The following CMIP variants were observed in gnomAD, a reference collection of about 807,000 sequenced individuals.
The protein encoded by CMIP is C-Maf-inducing protein.
CMIP carries 13 observed loss-of-function variants against 97.3 expected under a neutral mutation model. That is an observed-to-expected ratio of 0.13 (90% confidence interval 0.09 to 0.21). CMIP has a LOEUF of 0.21. Among genes scored for constraint, CMIP ranks in the 10% least tolerant of loss-of-function variants. The pLI is 1.00. For missense variants in CMIP, 847 were observed against 1,024.9 expected, an observed-to-expected ratio of 0.83 and a Z score of 2.37; for synonymous variants, 538 against 436.3, an observed-to-expected ratio of 1.23 and a Z score of -2.91.
At chr16:81,686,083 GC>G (rs1300130981) in intron 10 of CMIP, among the ~76,000 whole-genome samples, 1 of 152,210 alleles carries the variant, frequency 6.6e-6, no homozygotes, top group African/African-American at 2.4e-5. Context: ...AAGAGCACCC[GC>G]CCAGCCAAGT....
intron 9 of CMIP, among the ~76,000 whole-genome samples, chr16:81,676,241 T>C (rs996890223): frequency 1.3e-5 from 2 of 152,176 alleles, no homozygotes; most frequent in African/African-American, 4.8e-5. Context: ...GCTGATGCCA[T>C]ACATTTCCTG....
intron 1 of CMIP, among the ~76,000 whole-genome samples, chr16:81,580,589 C>T (rs1023552486): frequency 6.6e-6 from 1 of 151,904 alleles, no homozygotes; most frequent in Non-Finnish European, 1.5e-5. Flanking sequence ...ATGCCTGCCA[C>T]CACACCCAGC....
At chr16:81,461,928 G>A (rs746747341) in intron 1 of CMIP, among the ~76,000 whole-genome samples, 9 of 152,224 alleles carry the variant, frequency 5.9e-5, no homozygotes, top group East Asian at 1.9e-4. Flanking sequence ...TAGGCATTGC[G>A]TGTTGCGGTG....
At chr16:81,485,691 A>G (rs2089303267) in intron 1 of CMIP, among the ~76,000 whole-genome samples, 1 of 152,260 alleles carries the variant, frequency 6.6e-6, no homozygotes, top group Admixed American at 6.5e-5. Context: ...AATATGCCAG[A>G]TCCTTTTTTG....
intron 1 of CMIP, among the ~76,000 whole-genome samples, chr16:81,582,802 A>T (rs1199333228): frequency 6.6e-6 from 1 of 152,184 alleles, no homozygotes; most frequent in African/African-American, 2.4e-5. Flanking sequence ...GCTTTCATGA[A>T]CGGCGAGCGG....
intron 18 of CMIP, 75 bp from the exon 19 acceptor site, chr16:81,705,424 C>A: frequency 9.2e-7 from 1 of 1,087,184 alleles, no homozygotes; most frequent in Non-Finnish European, 1.4e-6. Flanking sequence ...TCCCTTTCCT[C>A]CACCTCTGCC....
At chr16:81,482,900 G>A (rs952473612) in intron 1 of CMIP, among the ~76,000 whole-genome samples, 3 of 152,234 alleles carry the variant, frequency 2.0e-5, no homozygotes, top group Non-Finnish European at 4.4e-5. Flanking sequence ...TGGTGCACAG[G>A]CATGCCTGCT....
chr16:81,454,172 T>C (rs1482556922), intron 1 of CMIP, among the ~76,000 whole-genome samples: 1 of 152,228 alleles, frequency 6.6e-6, no homozygotes, highest in East Asian at 1.9e-4. Flanking sequence ...TTGTAAGAGA[T>C]GGACCTATAT....
intron 1 of CMIP, among the ~76,000 whole-genome samples, chr16:81,598,523 G>C (rs1049932427): frequency 5.3e-5 from 8 of 152,166 alleles, no homozygotes; most frequent in African/African-American, 1.9e-4. Context: ...AAGAACTTTA[G>C]AGCTATCACC....
chr16:81,505,601 C>G (rs1239959990), intron 1 of CMIP, among the ~76,000 whole-genome samples: 1 of 152,194 alleles, frequency 6.6e-6, no homozygotes, highest in Non-Finnish European at 1.5e-5. Context: ...TGAGTAGTGT[C>G]AGGGAGCTCT....
At chr16:81,592,896 G>A (rs572657343) in intron 1 of CMIP, among the ~76,000 whole-genome samples, 1 of 152,350 alleles carries the variant, frequency 6.6e-6, no homozygotes, top group African/African-American at 2.4e-5. Context: ...TGACTTGGCA[G>A]TTGGAAATGA....
At chr16:81,457,560 G>A (rs1444441116) in intron 1 of CMIP, among the ~76,000 whole-genome samples, 4 of 152,194 alleles carry the variant, frequency 2.6e-5, no homozygotes, top group Non-Finnish European at 5.9e-5. Context: ...CCCCACAGTT[G>A]TAACAACCCG....
intron 1 of CMIP, among the ~76,000 whole-genome samples, chr16:81,524,096 G>A (rs148546547): frequency 1.0e-3 from 156 of 152,290 alleles, no homozygotes; most frequent in Non-Finnish European, 1.8e-3. Context: ...GGTTCCATGC[G>A]GAACCCTCTG....
intron 3 of CMIP, among the ~76,000 whole-genome samples, chr16:81,623,202 G>A (rs1465307988): frequency 6.6e-6 from 1 of 152,140 alleles, no homozygotes. Flanking sequence ...AGACCCCCAT[G>A]CCCCACCCCA....
chr16:81,646,118 G>T (rs1172828341), intron 3 of CMIP, among the ~76,000 whole-genome samples: 1 of 151,874 alleles, frequency 6.6e-6, no homozygotes, highest in African/African-American at 2.4e-5. Flanking sequence ...GGTGGGTGAA[G>T]GATGGATGGG....
intron 17 of CMIP, among the ~76,000 whole-genome samples, chr16:81,703,008 G>A (rs1907593716): frequency 6.6e-6 from 1 of 152,076 alleles, no homozygotes; most frequent in South Asian, 2.1e-4. Context: ...AGCAACCCTT[G>A]GAAGCTTGTG....
chr16:81,569,593 A>G (rs1263571354), intron 1 of CMIP, among the ~76,000 whole-genome samples: 1 of 152,250 alleles, frequency 6.6e-6, no homozygotes, highest in Non-Finnish European at 1.5e-5. Flanking sequence ...GGCGGCAGCA[A>G]CTTTCTGACA....
intron 1 of CMIP, among the ~76,000 whole-genome samples, chr16:81,507,606 T>C (rs1437958971): frequency 1.3e-5 from 2 of 152,224 alleles, no homozygotes; most frequent in Non-Finnish European, 2.9e-5. Flanking sequence ...ACATCCACTT[T>C]AGACAATTTG....
chr16:81,461,719 C>T (rs1473483543), intron 1 of CMIP, among the ~76,000 whole-genome samples: 3 of 152,188 alleles, frequency 2.0e-5, no homozygotes, highest in Non-Finnish European at 2.9e-5. Flanking sequence ...AGGAAAGCAC[C>T]TGGGTTTGCA....
Sources: allele counts gnomAD v4.1 joint callset (sites outside exome capture counted in the v4.1 genomes callset), GRCh38; gene constraint gnomAD v4.1.1; transcripts MANE v1.5; gene names NCBI Gene and HGNC (gene_info 2026-07-23, HGNC 2026-07-21).